SNX20: variants seen among roughly 807,000 people sequenced by gnomAD.
SNX20 encodes the protein sorting nexin 20, also known as sorting nexin-20.
SNX20 carries 21 observed loss-of-function variants against 24.5 expected under a neutral mutation model. That is an observed-to-expected ratio of 0.86 (90% CI 0.61 to 1.23). The LOEUF is 1.23. Among genes scored for constraint, SNX20 ranks in the 50% most tolerant of loss-of-function variants. The pLI is 0.00. For missense variants in SNX20, 433 were observed against 430.8 expected (o/e 1.00, Z -0.04); for synonymous variants, 206 against 192.8 (o/e 1.07, Z -0.57).
chr16:50,668,140 C>T (rs1962959043), downstream of SNX20: 7 of 1,547,198 alleles, frequency 4.5e-6, no homozygotes, highest in South Asian at 7.2e-5. Context: ...AGTTGGTGAC[C>T]AGGAAACCAG....
intron 2 of SNX20, among the ~76,000 whole-genome samples, chr16:50,676,300 C>T (rs1963181361): frequency 6.6e-6 from 1 of 151,980 alleles, no homozygotes; most frequent in East Asian, 1.9e-4. Context: ...GCCCTGACTT[C>T]GTGACTGTTG....
chr16:50,679,629 C>T (rs1278029591), intron 1 of SNX20, among the ~76,000 whole-genome samples: 4 of 152,222 alleles, frequency 2.6e-5, no homozygotes, highest in African/African-American at 9.6e-5. Context: ...CGCCTTCCAT[C>T]CTGACCAACC....
downstream of SNX20, chr16:50,668,672 T>C (rs61734904): frequency 1.2e-3 from 1,248 of 1,043,412 alleles, 22 homozygotes; most frequent in African/African-American, 0.02. Flanking sequence ...TAAATGCAGT[T>C]GCTGCATGGG....
chr16:50,668,813 G>A (rs1962974958), downstream of SNX20: 3 of 1,276,326 alleles, frequency 2.4e-6, no homozygotes, highest in South Asian at 2.7e-5. Flanking sequence ...CTCCAAAACA[G>A]AGTTCCAGCT....
intron 1 of SNX20, among the ~76,000 whole-genome samples, chr16:50,680,954 G>A (rs529387210): frequency 5.9e-4 from 90 of 152,336 alleles, no homozygotes; most frequent in African/African-American, 2.1e-3. Context: ...TTATTCTCCA[G>A]GCCCAAGATG....
chr16:50,674,483 A>G (rs563718585), intron 3 of SNX20, among the ~76,000 whole-genome samples: 2 of 152,178 alleles, frequency 1.3e-5, no homozygotes, highest in Non-Finnish European at 2.9e-5. Flanking sequence ...CCTGGGCTCA[A>G]GCGATCCTCC....
chr16:50,675,659 A>C, intron 3 of SNX20, 111 bp downstream of exon 3: 2 of 1,336,136 alleles, frequency 1.5e-6, no homozygotes, highest in East Asian at 2.4e-5. Flanking sequence ...GCTGTGAGTT[A>C]GTGTGTTGAC....
In SNX20 at chr16:50,675,821, G is replaced by A; in HGVS notation, c.231C>T (p.Leu77=). 2 of 1,613,716 alleles carry A rather than the reference G, an allele frequency of 1.2e-6. No homozygotes were observed. Among genetic ancestry groups the A allele is most frequent in the Non-Finnish European group, 1.7e-6 (2 of 1,179,826 alleles). ...QKCRWKHVKL[L]FEIASARIEE... is the part of the protein sequence containing the mutation. The stretch of plus-strand genomic sequence containing the variant: ...CGATGCGAGCTGAAGCGATCTCAAA[G>A]AGCAGTTTGACGTGCTTCCAGCGGC... The change falls in exon 3 of 4, where the codon CTC becomes CTT. Residue 77 remains leucine, a synonymous_variant. Transcript: ENST00000330943.
chr16:50,675,167 T>C (rs1282160709), intron 3 of SNX20, among the ~76,000 whole-genome samples: 1 of 152,214 alleles, frequency 6.6e-6, no homozygotes, highest in African/African-American at 2.4e-5. Flanking sequence ...GTGTGGCTCT[T>C]AGGCAGTCTT....
downstream of SNX20, chr16:50,669,877 C>A (rs983955632): frequency 3.9e-5 from 6 of 152,218 alleles, no homozygotes; most frequent in African/African-American, 1.4e-4. Context: ...TGCCTGGTCA[C>A]ACAGTAGGCC....
chr16:50,669,187 G>T (rs1640365212), downstream of SNX20: 1 of 937,782 alleles, frequency 1.1e-6, no homozygotes. Context: ...TTAAAGGCGT[G>T]TCAGTCCATT....
chr16:50,669,704 T>G (rs76794085), downstream of SNX20: 1,601 of 152,582 alleles, frequency 0.01, 67 homozygotes, highest in East Asian at 0.15. Context: ...TAAAGCCTGG[T>G]CTTAATTTCC....
chr16:50,677,433 G>A lies in SNX20; in HGVS notation c.94C>T (p.Pro32Ser), dbSNP rs754137414. ...TCAGGTCCTGGGTGCGGGAGGTCGG[G>A]GCCAGTGGCTGGTGCTTCCTGCTGG... ...RTQQEAPATG[P>S]DLPHPGPDGH... The change falls in exon 2 of 4, where the codon CCC becomes TCC. Residue 32 changes from proline (P) to serine (S), a missense_variant. Coordinates refer to ENST00000330943, the MANE Select transcript of SNX20 (RefSeq NM_182854.4). The A allele has an allele frequency of 1.9e-6, 3 of 1,608,962 alleles. No individual in the cohort carries two copies. Among genetic ancestry groups the A allele is most frequent in the Admixed American group, 3.4e-5 (2 of 59,354 alleles).
chr16:50,677,378 TC>T lies in SNX20; in HGVS notation c.130+18del. 6.4e-7 allele frequency: 1 copy of T among 1,561,706 alleles called. No homozygotes were observed. Among genetic ancestry groups the T allele is most frequent in the Non-Finnish European group, 8.7e-7 (1 of 1,151,662 alleles). ...CTTCAGACCTCTCCCCCAGACCGAGTCTCAAGCCTCAAGCCCACCTAAGTGC... is the reference window on the plus strand; with the variant it reads ...CTTCAGACCTCTCCCCCAGACCGAGTTCAAGCCTCAAGCCCACCTAAGTGC... On this transcript the variant is annotated intron_variant, in intron 2 of 3. Transcript: ENST00000330943.
rs750713594 is a variant in SNX20 at position 50,673,951 on chromosome 16, C to G, written c.406G>C (p.Glu136Gln). 1.2e-6 allele frequency: 2 copies of G among 1,613,370 alleles called. No individual in the cohort carries two copies. The highest frequency in any genetic ancestry group is 1.7e-5 in the Admixed American group (1 of 59,914). ...ALLKTFREEI[E>Q]DVEFPRKHLT... ...TGCTTCCTGGGAAACTCCACGTCTT[C>G]GATCTCCTCCCTGAACGTCTTCAGC... Residue 136 changes from glutamate (E) to glutamine (Q), a missense_variant, in exon 4 of 4, where the codon GAA (glutamate) becomes CAA (glutamine). Physicochemically the swap from Glu to Gln is conservative, Grantham distance 29. Transcript: ENST00000330943. This position sits in a 1 kb window ranked among gnomAD's most constrained non-coding sequence, Gnocchi z 4.1.
chr16:50,668,339 T>C (rs1962963202), downstream of SNX20: 4 of 1,182,132 alleles, frequency 3.4e-6, no homozygotes, highest in Middle Eastern at 3.3e-4. Context: ...TGCTTATTTC[T>C]CTGTCTCTGT....
At chr16:50,668,215 C>T (rs910571914), downstream of SNX20, 32 of 1,477,002 alleles carry the variant, frequency 2.2e-5, no homozygotes, top group Admixed American at 2.3e-5. Flanking sequence ...ACGGGCAACA[C>T]GGGATGATCA....
chr16:50,679,796 C>T (rs1211137731), intron 1 of SNX20, among the ~76,000 whole-genome samples: 1 of 152,124 alleles, frequency 6.6e-6, no homozygotes, highest in Non-Finnish European at 1.5e-5. Context: ...GGATGGTTTA[C>T]GTGATTCTTG....
In SNX20 at chr16:50,673,783, C is replaced by T. The variant is rs746355889; in HGVS notation, c.574G>A (p.Ala192Thr). 1.3e-6 allele frequency: 2 copies of T among 1,558,380 alleles called. No individual in the cohort carries two copies. Among genetic ancestry groups the T allele is most frequent in the South Asian group, 2.3e-5 (2 of 85,746 alleles). The change falls in exon 4 of 4, where the codon GCT becomes ACT. Residue 192 changes from alanine (A) to threonine (T), a missense_variant. By Grantham distance (58) the Ala-to-Thr change is moderately conservative. Coordinates refer to ENST00000330943, the MANE Select transcript of SNX20 (RefSeq NM_182854.4). This position sits in a 1 kb window ranked among gnomAD's most constrained non-coding sequence, Gnocchi z 4.1. ...DFLTRPELRE[A>T]FGCLRAGQYP... ...TGGCCGGCCCGCAGGCAGCCGAAAG[C>T]CTCGCGCAGCTCCGGCCGCGTGAGG... is the stretch of plus-strand genomic sequence containing the variant.
Sources: allele counts gnomAD v4.1 joint callset (sites outside exome capture counted in the v4.1 genomes callset), GRCh38; gene constraint gnomAD v4.1.1; non-coding constraint Gnocchi (gnomAD v3.1); transcripts MANE v1.5; gene names NCBI Gene and HGNC (gene_info 2026-07-23, HGNC 2026-07-21).